Variants in ALDH4A1 observed in about 807,000 individuals in gnomAD.
ALDH4A1 encodes aldehyde dehydrogenase 4 family member A1, also known as delta-1-pyrroline-5-carboxylate dehydrogenase, mitochondrial.
ALDH4A1 carries 46 observed loss-of-function variants against 70.5 expected under a neutral mutation model. That is an observed-to-expected ratio of 0.65 (90% confidence interval 0.51 to 0.83). ALDH4A1 has a LOEUF of 0.83. Among genes scored for constraint, ALDH4A1 ranks in the 40% least tolerant of loss-of-function variants. The pLI is 0.00. For synonymous variants in ALDH4A1, 323 were observed against 324.3 expected (o/e 1.00, Z 0.04); for missense variants, 749 against 766.5 (o/e 0.98, Z 0.27).
intron 1 of ALDH4A1, among the ~76,000 whole-genome samples, chr1:18,897,316 G>A (rs1176006726): frequency 6.6e-6 from 1 of 152,200 alleles, no homozygotes; most frequent in Non-Finnish European, 1.5e-5. Context: ...GCGGAAGAGG[G>A]CGGATCACTT....
intron 1 of ALDH4A1, among the ~76,000 whole-genome samples, chr1:18,895,207 G>A (rs1018676073): frequency 2.6e-5 from 4 of 152,184 alleles, no homozygotes; most frequent in Non-Finnish European, 4.4e-5. Flanking sequence ...GCAGCCCTCA[G>A]TCCTCCCACT....
In ALDH4A1 at chr1:18,880,240, G is replaced by A. The variant is rs538600734; in HGVS notation, c.867-867C>T. On this transcript the variant is annotated intron_variant, in intron 8 of 14. Coordinates refer to ENST00000375341, the MANE Select transcript of ALDH4A1 (RefSeq NM_003748.4). The surrounding 1 kb of genome is among the most constrained non-coding windows in gnomAD (Gnocchi z 5.1). ...GAAGAGGAGGTAAGAAGGACCCTGA[G>A]CTGCAGACCCGGGCGTCTGGCTGCC... 0.049 allele frequency among the ~76,000 whole-genome samples: 1,033 copies of A among 20,876 alleles called. 8 individuals carry two copies. The highest frequency in any genetic ancestry group is 0.073 in the African/African-American group (940 of 12,894). 13.7% of individuals were successfully genotyped at this position (20,876 alleles called of 152,430 possible). A position where few individuals can be genotyped will look rare whatever the true frequency, so the allele number is the denominator to read the frequency against.
At chr1:18,892,526 G>A (rs921996533) in intron 1 of ALDH4A1, among the ~76,000 whole-genome samples, 35 of 151,550 alleles carry the variant, frequency 2.3e-4, no homozygotes, top group Non-Finnish European at 4.9e-4. Context: ...GGCTTGAGAG[G>A]AGCTGGGAAG....
intron 3 of ALDH4A1, among the ~76,000 whole-genome samples, chr1:18,889,047 C>T (rs1935331502): frequency 6.6e-6 from 1 of 152,324 alleles, no homozygotes; most frequent in East Asian, 1.9e-4. Flanking sequence ...GCTCGGGGCC[C>T]GGGGCCCAGC....
Position 18,872,515 on chromosome 1 carries a change from A to G in ALDH4A1, c.*330T>C. On this transcript the variant is annotated 3_prime_UTR_variant, in exon 15 of 15. Transcript: ENST00000375341. Reference sequence around the variant, plus strand: ...AGAATGGCCTCCTTTTCCCCAAAGGATCCCAAGAGCTGCTCCATCTCCTTT... The same window carrying G: ...AGAATGGCCTCCTTTTCCCCAAAGGGTCCCAAGAGCTGCTCCATCTCCTTT... 4.5e-6 allele frequency: 1 copy of G among 221,266 alleles called. No homozygotes were observed. The highest frequency in any genetic ancestry group is 9.0e-6 in the Non-Finnish European group (1 of 110,948). The allele number at this position is 221,266 out of a possible 1,614,324, so 13.7% of individuals were successfully genotyped here.
intron 13 of ALDH4A1, among the ~76,000 whole-genome samples, 171 bp from the exon 14 acceptor site, chr1:18,874,752 C>T (rs1012169317): frequency 1.3e-4 from 20 of 152,232 alleles, no homozygotes; most frequent in Admixed American, 9.8e-4. Flanking sequence ...GGTCAGGTTA[C>T]CCAGTCTCTG....
chr1:18,875,999 T>C (rs949073773), intron 12 of ALDH4A1, among the ~76,000 whole-genome samples: 2 of 152,236 alleles, frequency 1.3e-5, no homozygotes, highest in Non-Finnish European at 2.9e-5. Flanking sequence ...CTCAGCCAAG[T>C]GCTCAGCCAC....
intron 5 of ALDH4A1, 32 bp downstream of exon 5, chr1:18,885,441 G>GCCCCCCCCCCCCCCCCCCCCCCCCCCCC: frequency 2.4e-6 from 1 of 423,746 alleles, no homozygotes; most frequent in Non-Finnish European, 3.8e-6. Flanking sequence ...ACCCCACCCC[G>GCCCCCCCCCCCCCCCCCCCCCCCCCCCC]CCCCACCCAC....
intron 8 of ALDH4A1, among the ~76,000 whole-genome samples, chr1:18,879,985 T>C (rs1378853168): frequency 6.6e-6 from 1 of 152,046 alleles, no homozygotes. Context: ...AGCGACACAG[T>C]AGCTAATACT....
At chr1:18,896,990 C>A in intron 1 of ALDH4A1, 2 of 481,712 alleles carry the variant, frequency 4.2e-6, no homozygotes, top group South Asian at 1.6e-5. Context: ...CACTTGCCAC[C>A]ACATGCCAAG....
intron 14 of ALDH4A1, among the ~76,000 whole-genome samples, chr1:18,873,793 C>T (rs954033772): frequency 6.6e-6 from 1 of 152,186 alleles, no homozygotes; most frequent in African/African-American, 2.4e-5. Context: ...AAGCACGCTT[C>T]CCCTCGGTTC....
intron 5 of ALDH4A1, 42 bp downstream of exon 5, chr1:18,885,431 A>ACCCCCCCCCCCCCCCCCCCCCCCCCCC (rs1553154222): frequency 8.1e-5 from 39 of 478,966 alleles, no homozygotes; most frequent in Non-Finnish European, 9.7e-5. Flanking sequence ...CCTGACTCCC[A>ACCCCCCCCCCCCCCCCCCCCCCCCCCC]CCCCACCCCG....
In ALDH4A1 at chr1:18,883,274, GGTACCTCCAGACCCCGGTACAC is replaced by G; in HGVS notation, c.586_603+4del. 6.2e-7 allele frequency: 1 copy of G among 1,613,220 alleles called. No homozygotes were observed. The highest frequency in any genetic ancestry group is 8.5e-7 in the Non-Finnish European group (1 of 1,180,022). On this transcript the variant is annotated splice_donor_variant and splice_donor_region_variant and coding_sequence_variant and intron_variant, in exon 6 of 15. Transcript: ENST00000375341. LOFTEE classifies it high-confidence loss of function. ...GCCTGCTCGCCCACTGCCTCCTGCA[GGTACCTCCAGACCCCGGTACAC>G]CGTGCTGTTGGTGCTCGGGGGCACG... is the stretch of plus-strand genomic sequence containing the variant.
At chr1:18,885,710 G>C (rs1052494482) in intron 4 of ALDH4A1, 82 bp from the exon 5 acceptor site, 1 of 1,581,474 alleles carries the variant, frequency 6.3e-7, no homozygotes. Flanking sequence ...AGAGACCTGG[G>C]AGGCCACTCT....
chr1:18,885,449 C>CCCCCCCCCCCCCCCCCCCCCCCCCCCA, intron 5 of ALDH4A1, 24 bp downstream of exon 5: 1 of 1,297,354 alleles, frequency 7.7e-7, no homozygotes, highest in Non-Finnish European at 1.1e-6. Context: ...CCGCCCCACC[C>CCCCCCCCCCCCCCCCCCCCCCCCCCCA]ACCCGGGCCC....
In ALDH4A1 at chr1:18,873,002, C is replaced by T. The variant is rs760768796; in HGVS notation, c.1580-45G>A. ...GTTTTTCTCTGAAAAGATGCAACAG[C>T]CTGGGCAGAAGGGGAAGGGAGGAGA... On this transcript the variant is annotated intron_variant, in intron 14 of 14. Coordinates refer to ENST00000375341, the MANE Select transcript of ALDH4A1 (RefSeq NM_003748.4). The T allele has an allele frequency of 2.0e-5, 30 of 1,523,298 alleles. 1 individual carries two copies. In the South Asian group the frequency reaches 3.4e-4, roughly 17 times the overall value. The allele number at this position is 1,523,298 out of a possible 1,614,324, so 94.4% of individuals were successfully genotyped here.
At chr1:18,886,610 G>T (rs975477694) in intron 3 of ALDH4A1, 99 bp from the exon 4 acceptor site, 1 of 1,308,656 alleles carries the variant, frequency 7.6e-7, no homozygotes, top group African/African-American at 1.5e-5. Context: ...GAAAGTCCTG[G>T]ACACGCCTGC....
At position 18,876,382 on chromosome 1, in the gene ALDH4A1, G is replaced by T. The variant is rs768115377; in HGVS notation, c.1271C>A (p.Ser424Tyr). 1 of 1,613,760 alleles carries T rather than the reference G, an allele frequency of 6.2e-7. No individual in the cohort carries two copies. The highest frequency in any genetic ancestry group is 2.2e-5 in the East Asian group (1 of 44,884). Residue 424 changes from serine to tyrosine, a missense_variant, in exon 12 of 15, where the codon TCC becomes TAC. Coordinates refer to ENST00000375341, the MANE Select transcript of ALDH4A1 (RefSeq NM_003748.4). ...TILAGGKCDDSVGYFVEPCIV... is the reference protein window; with the variant it reads ...TILAGGKCDDYVGYFVEPCIV... ...GCAGGGCTCCACAAAGTAGCCCACG[G>T]AGTCATCACACTTGCCCCCGGCCAG...
At chr1:18,887,531 G>A (rs56116600) in intron 3 of ALDH4A1, among the ~76,000 whole-genome samples, 4,612 of 152,194 alleles carry the variant, frequency 0.03, 252 homozygotes, top group African/African-American at 0.1. Flanking sequence ...CCTGGGAGGC[G>A]GAGCTTGCAG....
Sources: gnomAD v4.1 joint callset for allele counts (sites outside exome capture counted in the v4.1 genomes callset) on GRCh38, gnomAD v4.1.1 for gene constraint, Gnocchi (gnomAD v3.1) non-coding constraint, MANE v1.5 for transcripts, NCBI Gene and HGNC (gene_info 2026-07-23, HGNC 2026-07-21) for gene names.